The following CCDC7 variants were observed in gnomAD, a reference collection of about 807,000 sequenced individuals.
CCDC7 encodes the protein coiled-coil domain-containing protein 7.
Under a neutral mutation model 196.9 loss-of-function variants are expected in CCDC7, and 183 were observed. The observed-to-expected ratio is 0.93, with a 90% CI of 0.82 to 1.05. CCDC7 has a LOEUF of 1.05. Ranked by LOEUF, CCDC7 falls within the 50% of genes least tolerant of loss-of-function variation. The pLI is 0.00. For missense variants in CCDC7, 1,540 were observed against 1,482.2 expected, an observed-to-expected ratio of 1.04 and a Z score of -0.64; for synonymous variants, 525 against 484.6, an observed-to-expected ratio of 1.08 and a Z score of -1.10.
intron 28 of CCDC7, among the ~76,000 whole-genome samples, chr10:32,754,203 G>T (rs1407248895): frequency 6.6e-6 from 1 of 152,042 alleles, no homozygotes; most frequent in Non-Finnish European, 1.5e-5. Context: ...TCAAATAAAA[G>T]AAAATTTAAT....
chr10:32,474,429 G>A (rs1318834044), intron 8 of CCDC7, among the ~76,000 whole-genome samples: 1 of 150,902 alleles, frequency 6.6e-6, no homozygotes, highest in Non-Finnish European at 1.5e-5. Context: ...AGTAGAGAGA[G>A]TTTCACCATG....
At chr10:32,879,683 G>A (rs764635610), downstream of CCDC7, among the ~76,000 whole-genome samples, 11 of 151,874 alleles carry the variant, frequency 7.2e-5, no homozygotes, top group Non-Finnish European at 1.6e-4. Flanking sequence ...GCATGCATTA[G>A]CTATTTTTCC....
At chr10:32,872,066 A>G (rs1403782596) in intron 41 of CCDC7, among the ~76,000 whole-genome samples, 1 of 151,894 alleles carries the variant, frequency 6.6e-6, no homozygotes, top group Non-Finnish European at 1.5e-5. Context: ...GTGGTGCTGG[A>G]AAGATTGTAT....
At chr10:32,446,103 A>G (rs1352321838), upstream of CCDC7, 1 of 152,046 alleles carries the variant, frequency 6.6e-6, no homozygotes, top group Non-Finnish European at 1.5e-5. Context: ...CGGCGGCGCC[A>G]AGGCGTCGTG....
chr10:32,614,873 T>G (rs1360605217), intron 18 of CCDC7, among the ~76,000 whole-genome samples: 1 of 152,200 alleles, frequency 6.6e-6, no homozygotes, highest in Non-Finnish European at 1.5e-5. Flanking sequence ...TTAGCTCCAC[T>G]TATAAGTGAG....
At chr10:32,565,349 C>T (rs949913805) in intron 13 of CCDC7, among the ~76,000 whole-genome samples, 14 of 152,100 alleles carry the variant, frequency 9.2e-5, no homozygotes, top group East Asian at 3.9e-4. Flanking sequence ...GTAATTTCCC[C>T]GATTCATGCT....
At chr10:32,674,951 T>C (rs2074674869) in intron 21 of CCDC7, among the ~76,000 whole-genome samples, 1 of 152,116 alleles carries the variant, frequency 6.6e-6, no homozygotes, top group South Asian at 2.1e-4. Context: ...CCTTCTCTTT[T>C]AGTGTTTAAG....
chr10:32,544,175 C>A, intron 12 of CCDC7, 72 bp from the exon 14 acceptor site: 3 of 1,276,394 alleles, frequency 2.4e-6, no homozygotes, highest in Non-Finnish European at 3.2e-6. Flanking sequence ...TTTAAAAAGT[C>A]CTCCTCAAGA....
intron 8 of CCDC7, among the ~76,000 whole-genome samples, chr10:32,482,006 T>A (rs983765345): frequency 6.6e-6 from 1 of 152,116 alleles, no homozygotes; most frequent in African/African-American, 2.4e-5. Flanking sequence ...TGTACCTGTT[T>A]GGAGACGTTT....
intron 30 of CCDC7, 61 bp from the exon 32 acceptor site, chr10:32,814,309 C>A: frequency 1.7e-6 from 2 of 1,161,050 alleles, no homozygotes; most frequent in Non-Finnish European, 2.6e-6. Context: ...TGCACTCACA[C>A]TGTCACATTT....
At chr10:32,815,206 T>C (rs1356039944) in intron 31 of CCDC7, among the ~76,000 whole-genome samples, 1 of 152,156 alleles carries the variant, frequency 6.6e-6, no homozygotes, top group Non-Finnish European at 1.5e-5. Context: ...ACAGAAACAG[T>C]ACTCTGTAAC....
At chr10:32,851,672 C>A in intron 39 of CCDC7, 135 bp from the exon 41 acceptor site, 1 of 806,866 alleles carries the variant, frequency 1.2e-6, no homozygotes, top group Non-Finnish European at 1.9e-6. Flanking sequence ...GTCTATGTAT[C>A]CTTTCAGTTT....
intron 19 of CCDC7, 115 bp downstream of exon 20, chr10:32,634,479 C>T: frequency 2.8e-6 from 1 of 360,418 alleles, no homozygotes; most frequent in Non-Finnish European, 4.7e-6. Context: ...TCACTGCAAC[C>T]TCCATCTTCC....
chr10:32,699,901 G>A (rs1270960953), intron 24 of CCDC7, among the ~76,000 whole-genome samples: 1 of 149,382 alleles, frequency 6.7e-6, no homozygotes, highest in Non-Finnish European at 1.5e-5. Flanking sequence ...TGATAGGGTT[G>A]TTTGTTTTTT....
At chr10:32,758,314 C>A (rs753283058) in intron 28 of CCDC7, among the ~76,000 whole-genome samples, 1 of 152,126 alleles carries the variant, frequency 6.6e-6, no homozygotes, top group Admixed American at 6.5e-5. Context: ...GAATTTTAGA[C>A]CAATATCCCT....
intron 18 of CCDC7, among the ~76,000 whole-genome samples, chr10:32,587,332 C>T (rs2059385143): frequency 6.6e-6 from 1 of 152,134 alleles, no homozygotes; most frequent in Admixed American, 6.6e-5. Flanking sequence ...AGGGACCTGC[C>T]TCTGGCTACA....
intron 8 of CCDC7, among the ~76,000 whole-genome samples, chr10:32,480,861 C>T (rs2039841144): frequency 6.6e-6 from 1 of 152,054 alleles, no homozygotes; most frequent in Admixed American, 6.6e-5. Flanking sequence ...TCTGTTAGGT[C>T]CATTGGTGTA....
chr10:32,443,974 TA>T (rs1426163513), upstream of CCDC7, among the ~76,000 whole-genome samples: 3 of 152,224 alleles, frequency 2.0e-5, no homozygotes, highest in Non-Finnish European at 1.5e-5. Flanking sequence ...GGATCTTCTT[TA>T]ATTTCTCTCA....
At chr10:32,782,620 T>C (rs1055384752) in intron 29 of CCDC7, among the ~76,000 whole-genome samples, 2 of 152,234 alleles carry the variant, frequency 1.3e-5, no homozygotes, top group African/African-American at 2.4e-5. Flanking sequence ...ATAATACTTA[T>C]GAGGTTATTG....
Sources: gnomAD v4.1 joint callset for allele counts (sites outside exome capture counted in the v4.1 genomes callset) on GRCh38, gnomAD v4.1.1 for gene constraint, MANE v1.5 for transcripts, NCBI Gene and HGNC (gene_info 2026-07-23, HGNC 2026-07-21) for gene names.